The following FRY variants were observed in gnomAD, a reference collection of about 807,000 sequenced individuals.
FRY encodes protein furry homolog.
In FRY, 128 loss-of-function variants were observed where a neutral mutation model predicts 348.4. The observed-to-expected ratio is 0.37, with a 90% confidence interval of 0.32 to 0.43. The LOEUF is 0.43. Ranked by LOEUF, FRY falls within the 20% of genes least tolerant of loss-of-function variation. FRY has a pLI of 1.00. For synonymous variants in FRY, 1,370 were observed against 1,374.7 expected (o/e 1.00, Z 0.08); for missense variants, 2,736 against 3,695.2 (o/e 0.74, Z 6.73).
intron 40 of FRY, 66 bp downstream of exon 40, chr13:32,228,720 A>T: frequency 7.6e-7 from 1 of 1,315,854 alleles, no homozygotes; most frequent in Non-Finnish European, 1.1e-6. Context: ...CCAACGCTTT[A>T]AACCACACAG....
intron 58 of FRY, among the ~76,000 whole-genome samples, chr13:32,279,250 G>A (rs1888697164): frequency 6.6e-6 from 1 of 152,188 alleles, no homozygotes; most frequent in Non-Finnish European, 1.5e-5. Context: ...CGATGGGGAG[G>A]GCGGCTCTGG....
intron 39 of FRY, among the ~76,000 whole-genome samples, chr13:32,227,995 C>T (rs915130929): frequency 6.6e-6 from 1 of 152,174 alleles, no homozygotes; most frequent in East Asian, 1.9e-4. Context: ...TGTGATCCAC[C>T]CGCCTCAGCC....
At chr13:32,132,813 A>G (rs535084709) in intron 8 of FRY, among the ~76,000 whole-genome samples, 1 of 152,380 alleles carries the variant, frequency 6.6e-6, no homozygotes, top group East Asian at 1.9e-4. Context: ...ATGAATGGAT[A>G]GATAAAATGT....
intron 57 of FRY, among the ~76,000 whole-genome samples, chr13:32,277,515 C>T (rs959802689): frequency 6.6e-6 from 1 of 152,194 alleles, no homozygotes; most frequent in Non-Finnish European, 1.5e-5. Flanking sequence ...TAGCTAGGAA[C>T]TGGAAGAGTG....
intron 3 of FRY, among the ~76,000 whole-genome samples, 195 bp downstream of exon 3, chr13:32,102,211 A>C (rs921236803): frequency 2.0e-5 from 3 of 152,240 alleles, no homozygotes; most frequent in Non-Finnish European, 2.9e-5. Flanking sequence ...GGTTAGAATC[A>C]AAAAGAACTG....
intron 47 of FRY, among the ~76,000 whole-genome samples, chr13:32,244,671 A>G (rs1411809561): frequency 2.0e-5 from 3 of 152,246 alleles, no homozygotes; most frequent in Admixed American, 6.5e-5. Context: ...ACAAACAAAC[A>G]AAAAACATTT....
In FRY at chr13:32,171,200, C is replaced by G. The variant is rs551073366; in HGVS notation, c.2081C>G (p.Thr694Ser). 6.2e-7 allele frequency: 1 copy of G among 1,612,986 alleles called. No individual in the cohort carries two copies. Among genetic ancestry groups the G allele is most frequent in the African/African-American group, 1.3e-5 (1 of 74,936 alleles). The change falls in exon 18 of 61, where the codon ACC becomes AGC. Residue 694 changes from threonine (T) to serine (S), a missense_variant. Thr to Ser is a moderately conservative substitution (Grantham distance 58, BLOSUM62 1). Coordinates refer to ENST00000542859, the MANE Select transcript of FRY (RefSeq NM_023037.3). The part of the protein sequence containing the change: ...SSLKLLLQLL[T>S]QWKLVIQTQG... Reference sequence around the variant, plus strand: ...CTGAAGTTGCTGCTGCAGCTGCTCACCCAGTGGAAACTAGTCATCCAGACA... The same window carrying G: ...CTGAAGTTGCTGCTGCAGCTGCTCAGCCAGTGGAAACTAGTCATCCAGACA...
chr13:32,201,723 T>G (rs1884041641), intron 29 of FRY, among the ~76,000 whole-genome samples: 1 of 152,258 alleles, frequency 6.6e-6, no homozygotes, highest in Admixed American at 6.5e-5. Context: ...TCTTTTATCC[T>G]GGTGTCCCAG....
chr13:32,280,539 T>A (rs1479671034), intron 58 of FRY, among the ~76,000 whole-genome samples: 1 of 152,256 alleles, frequency 6.6e-6, no homozygotes, highest in Admixed American at 6.5e-5. Flanking sequence ...TTCACTATAA[T>A]CTGCTGTTAA....
intron 17 of FRY, among the ~76,000 whole-genome samples, chr13:32,168,083 A>T (rs1255472517): frequency 3.3e-5 from 5 of 152,202 alleles, no homozygotes; most frequent in African/African-American, 1.2e-4. Context: ...TGGCTCATGT[A>T]GTTATGGAGA....
At chr13:32,268,082 A>C (rs1293436989) in intron 55 of FRY, among the ~76,000 whole-genome samples, 2 of 152,148 alleles carry the variant, frequency 1.3e-5, no homozygotes, top group African/African-American at 4.8e-5. Context: ...CCAATCCCTC[A>C]GCCAGACACC....
intron 17 of FRY, among the ~76,000 whole-genome samples, chr13:32,169,034 A>G (rs977999533): frequency 4.6e-5 from 7 of 152,130 alleles, no homozygotes; most frequent in Non-Finnish European, 1.0e-4. Context: ...GTTGTCTTGT[A>G]TTTGTTGGTG....
chr13:32,247,381 G>A lies in FRY; in HGVS notation c.6887G>A (p.Ser2296Asn). The part of the protein sequence containing the change: ...ILKLVVSRSA[S>N]LVLPSYQHSD... ...AAGCTGGTAGTTTCTCGGTCAGCCA[G>A]CCTTGTTTTACCTTCATACCAGCAC... The change falls in exon 48 of 61, where the codon AGC becomes AAC. Residue 2296 changes from serine (S) to asparagine (N), a missense_variant. Coordinates refer to ENST00000542859, the MANE Select transcript of FRY (RefSeq NM_023037.3). 6.2e-7 allele frequency: 1 copy of A among 1,613,806 alleles called. No individual in the cohort carries two copies. The highest frequency in any genetic ancestry group is 1.1e-5 in the South Asian group (1 of 91,062).
At chr13:32,056,188 TAAAA>T (rs1252421652) in intron 1 of FRY, among the ~76,000 whole-genome samples, 1 of 119,796 alleles carries the variant, frequency 8.3e-6, no homozygotes. Flanking sequence ...AGACTCCATC[TAAAA>T]AAAAAAAAAA....
intron 1 of FRY, among the ~76,000 whole-genome samples, chr13:32,036,460 A>G (rs1872518064): frequency 6.6e-6 from 1 of 151,896 alleles, no homozygotes; most frequent in Non-Finnish European, 1.5e-5. Context: ...CTTATGATTA[A>G]GACAAATCAG....
At chr13:32,117,244 A>C in intron 3 of FRY, 90 bp from the exon 4 acceptor site, 1 of 1,130,456 alleles carries the variant, frequency 8.8e-7, no homozygotes, top group South Asian at 1.3e-5. Flanking sequence ...TATTTTAGTG[A>C]GTAGTGCTTG....
At chr13:32,057,986 C>T (rs1336326631) in intron 1 of FRY, among the ~76,000 whole-genome samples, 1 of 152,018 alleles carries the variant, frequency 6.6e-6, no homozygotes, top group Admixed American at 6.6e-5. Context: ...ATAAAATTTA[C>T]CGTCTTGCCA....
intron 57 of FRY, 81 bp downstream of exon 57, chr13:32,276,643 T>C: frequency 5.0e-6 from 4 of 797,076 alleles, no homozygotes; most frequent in Non-Finnish European, 9.2e-6. Flanking sequence ...GGCGGGGTTG[T>C]GATTAACTTA....
chr13:32,224,712 A>G (rs954001457), intron 37 of FRY, among the ~76,000 whole-genome samples: 1 of 152,208 alleles, frequency 6.6e-6, no homozygotes, highest in African/African-American at 2.4e-5. Context: ...CTTATTGCCT[A>G]GTGGCTAGTA....
Sources: gnomAD v4.1 joint callset for allele counts (sites outside exome capture counted in the v4.1 genomes callset) on GRCh38, gnomAD v4.1.1 for gene constraint, MANE v1.5 for transcripts, NCBI Gene and HGNC (gene_info 2026-07-23, HGNC 2026-07-21) for gene names.